Variants in LINGO2 observed in about 807,000 individuals in gnomAD.
LINGO2 encodes the protein leucine rich repeat and Ig domain containing 2.
LINGO2 carries 14 observed loss-of-function variants against 30.6 expected under a neutral mutation model. That is an observed-to-expected ratio of 0.46 (90% CI 0.30 to 0.72). The LOEUF (loss-of-function observed/expected upper bound fraction) is 0.72. Ranked by LOEUF, LINGO2 falls within the 30% of genes least tolerant of loss-of-function variation. The probability of loss-of-function intolerance (pLI) is 0.07; values close to 1 mark genes in which losing one functional copy is unlikely to be tolerated. For synonymous variants in LINGO2, 317 were observed against 288.5 expected (o/e 1.10, Z -1.00); for missense variants, 729 against 751.7 (o/e 0.97, Z 0.35).
At chr9:28,521,930 T>C (rs970353829) in intron 1 of LINGO2, among the ~76,000 whole-genome samples, 2 of 152,136 alleles carry the variant, frequency 1.3e-5, no homozygotes, top group African/African-American at 2.4e-5. Flanking sequence ...GGATTGTCAA[T>C]AGCCACCACA....
chr9:28,953,708 A>G, the LINGO2 span, among the ~76,000 whole-genome samples: 1 of 152,116 alleles, frequency 6.6e-6, no homozygotes, highest in African/African-American at 2.4e-5. Flanking sequence ...TTTGGAGAAA[A>G]GAAAGAGATT....
chr9:28,785,673 A>AC, the LINGO2 span, among the ~76,000 whole-genome samples: 3 of 75,832 alleles, frequency 4.0e-5, no homozygotes, highest in African/African-American at 1.2e-4. Context: ...TCTCTCCACA[A>AC]ACACACACAC....
the LINGO2 span, among the ~76,000 whole-genome samples, chr9:28,855,913 C>G: frequency 6.6e-6 from 1 of 152,164 alleles, no homozygotes; most frequent in African/African-American, 2.4e-5. Flanking sequence ...TTCAGGCTTT[C>G]TAGCTGGACT....
At chr9:28,731,997 T>C in the LINGO2 span, among the ~76,000 whole-genome samples, 1 of 152,128 alleles carries the variant, frequency 6.6e-6, no homozygotes, top group Non-Finnish European at 1.5e-5. Flanking sequence ...ACCATGATTC[T>C]AAAATTGAAC....
the LINGO2 span, among the ~76,000 whole-genome samples, chr9:28,796,657 A>G: frequency 6.6e-6 from 1 of 151,908 alleles, no homozygotes; most frequent in Non-Finnish European, 1.5e-5. Flanking sequence ...ATACAAATTG[A>G]TAAGAGGGAG....
the LINGO2 span, among the ~76,000 whole-genome samples, chr9:28,827,564 C>G: frequency 6.6e-6 from 1 of 152,002 alleles, no homozygotes; most frequent in Non-Finnish European, 1.5e-5. Flanking sequence ...TAGTACTTGA[C>G]AAATGATACA....
At chr9:28,870,820 A>G in the LINGO2 span, among the ~76,000 whole-genome samples, 5 of 152,114 alleles carry the variant, frequency 3.3e-5, no homozygotes, top group Admixed American at 1.3e-4. Flanking sequence ...CACTTAATTT[A>G]TATTTTAAAA....
At chr9:28,215,514 T>C (rs1236851163) in intron 4 of LINGO2, among the ~76,000 whole-genome samples, 1 of 151,886 alleles carries the variant, frequency 6.6e-6, no homozygotes, top group Non-Finnish European at 1.5e-5. Context: ...ATTGTGGTGC[T>C]TAAATCACAT....
intron 4 of LINGO2, among the ~76,000 whole-genome samples, chr9:28,176,723 C>T (rs1345365447): frequency 6.6e-6 from 1 of 152,116 alleles, no homozygotes; most frequent in African/African-American, 2.4e-5. Context: ...ATCTGCTCAG[C>T]ACACCAAAGA....
At chr9:29,115,830 T>C in the LINGO2 span, among the ~76,000 whole-genome samples, 10 of 152,136 alleles carry the variant, frequency 6.6e-5, no homozygotes, top group African/African-American at 2.2e-4. Flanking sequence ...GCTTTTCCCC[T>C]GTCATATTTT....
chr9:28,914,725 A>C, the LINGO2 span, among the ~76,000 whole-genome samples: 1 of 152,328 alleles, frequency 6.6e-6, no homozygotes. Flanking sequence ...AGATTTTGGT[A>C]TCTTCCAGTG....
intron 1 of LINGO2, among the ~76,000 whole-genome samples, chr9:28,541,405 T>G (rs903993007): frequency 6.6e-6 from 1 of 152,196 alleles, no homozygotes; most frequent in African/African-American, 2.4e-5. Flanking sequence ...TGAGGATGAC[T>G]GATGTAATTA....
At chr9:28,201,321 A>G (rs1369634177) in intron 4 of LINGO2, among the ~76,000 whole-genome samples, 1 of 143,240 alleles carries the variant, frequency 7.0e-6, no homozygotes, top group Admixed American at 7.3e-5. Flanking sequence ...GAGTGAGAAT[A>G]TGCGGTGTTT....
the LINGO2 span, among the ~76,000 whole-genome samples, chr9:28,885,571 T>C: frequency 6.6e-6 from 1 of 151,912 alleles, no homozygotes; most frequent in African/African-American, 2.4e-5. Context: ...ATTGCATAGT[T>C]AAAGTGTGTC....
intron 4 of LINGO2, among the ~76,000 whole-genome samples, chr9:28,031,337 G>T (rs1159901308): frequency 6.8e-6 from 1 of 148,018 alleles, no homozygotes; most frequent in Admixed American, 6.8e-5. Flanking sequence ...ACCCACTTCA[G>T]TAGAAAAACA....
chr9:28,094,002 G>T (rs999995028), intron 4 of LINGO2, among the ~76,000 whole-genome samples: 1 of 152,048 alleles, frequency 6.6e-6, no homozygotes, highest in Non-Finnish European at 1.5e-5. Context: ...CTTGGATCTG[G>T]CAGCTAGTAG....
the LINGO2 span, among the ~76,000 whole-genome samples, chr9:28,996,929 C>A: frequency 1.3e-5 from 2 of 152,122 alleles, no homozygotes; most frequent in Non-Finnish European, 2.9e-5. Context: ...AAGTTAGGGA[C>A]ATTGTATGTG....
chr9:28,929,311 G>C, the LINGO2 span, among the ~76,000 whole-genome samples: 5 of 152,140 alleles, frequency 3.3e-5, no homozygotes, highest in African/African-American at 9.7e-5. Flanking sequence ...TAAATGCTTA[G>C]GATAATTAAA....
At chr9:28,803,978 A>C in the LINGO2 span, among the ~76,000 whole-genome samples, 2 of 152,112 alleles carry the variant, frequency 1.3e-5, no homozygotes, top group East Asian at 3.8e-4. Flanking sequence ...CTCTCATCCC[A>C]ATATAAAACA....
Sources: allele counts gnomAD v4.1 joint callset (sites outside exome capture counted in the v4.1 genomes callset), GRCh38; gene constraint gnomAD v4.1.1; transcripts MANE v1.5; gene names NCBI Gene and HGNC (gene_info 2026-07-23, HGNC 2026-07-21).